BNIP5: variants seen among roughly 807,000 people sequenced by gnomAD.
BNIP5 encodes BCL2 interacting protein 5, also known as protein BNIP5.
In BNIP5, 61 loss-of-function variants were observed where a neutral mutation model predicts 67.3. That is an observed-to-expected ratio of 0.91 (90% CI 0.74 to 1.12). The LOEUF (loss-of-function observed/expected upper bound fraction) is 1.12, where lower values mean the gene tolerates loss of function less well. BNIP5 is among the 50% of genes most tolerant of loss of function. BNIP5 has a pLI of 0.00. For synonymous variants in BNIP5, 317 were observed against 319.0 expected, an observed-to-expected ratio of 0.99 and a Z score of 0.07; for missense variants, 826 against 816.3, an observed-to-expected ratio of 1.01 and a Z score of -0.14.
chr6:36,335,476 C>T (rs142632052), intron 1 of BNIP5, among the ~76,000 whole-genome samples: 63 of 152,306 alleles, frequency 4.1e-4, no homozygotes, highest in African/African-American at 1.3e-3. Flanking sequence ...GGACTCAAGA[C>T]GCCCTGTATT....
rs377308284 is a variant in BNIP5 at position 36,330,604 on chromosome 6, C to T, written c.87G>A (p.Ser29=). Residue 29 remains serine, a synonymous_variant, in exon 2 of 12, where the codon TCG becomes TCA. Transcript: ENST00000437635. The stretch of plus-strand genomic sequence containing the variant: ...AGAGCCAATGGCAGTCCCACGACTC[C>T]GAGCCTTTCCCGGGGGCCTGCGGCC... ...LDRPQAPGKG[S]ESWDCHWLSL... 1.6e-4 allele frequency: 261 copies of T among 1,611,580 alleles called. No homozygotes were observed. The highest frequency in any genetic ancestry group is 4.3e-4 in the South Asian group (39 of 91,086).
rs572473631 is a variant in BNIP5, at chr6:36,327,137, C to T, written c.728-43G>A. ...CATCCGGTTATTCTTTCTAAATGCA[C>T]TGACAACTCCTTCTAAATTACCATC... On this transcript the variant is annotated intron_variant, in intron 3 of 11. Transcript: ENST00000437635. 14 of 1,541,162 alleles carry T rather than the reference C, an allele frequency of 9.1e-6. 2 individuals are homozygous for T. Among genetic ancestry groups the T allele is most frequent in the African/African-American group, 8.1e-5 (6 of 73,806 alleles).
rs2127364813 is a variant in BNIP5 at position 36,323,392 on chromosome 6, C to T, written c.1372G>A (p.Ala458Thr). 3 of 1,614,264 alleles carry T rather than the reference C, an allele frequency of 1.9e-6. No individual in the cohort carries two copies. The highest frequency in any genetic ancestry group is 2.2e-5 in the East Asian group (1 of 44,882). The change falls in exon 8 of 12, where the codon GCA becomes ACA. Residue 458 changes from alanine (A) to threonine (T), a missense_variant. Transcript: ENST00000437635. ...HTSKEPRRAGAAGAASPEARR... is the reference protein window; with the variant it reads ...HTSKEPRRAGTAGAASPEARR... ...GCCTCTGGGCTGGCAGCCCCTGCTG[C>T]CCCCGCTCTTCTGGGTTCCTTGGAG...
intron 11 of BNIP5, 92 bp from the exon 12 acceptor site, chr6:36,317,483 C>T (rs1771546000): frequency 9.3e-7 from 1 of 1,074,474 alleles, no homozygotes. Context: ...ATCCCATTGA[C>T]ACCCCACCCC....
intron 5 of BNIP5, 30 bp downstream of exon 5, chr6:36,326,480 G>A: frequency 6.2e-7 from 1 of 1,612,818 alleles, no homozygotes; most frequent in African/African-American, 1.3e-5. Flanking sequence ...CAGCTGCAGG[G>A]TTGCTATGGC....
Position 36,330,508 on chromosome 6 carries a change from G to A in BNIP5, c.183C>T (p.Ser61=), listed in dbSNP as rs1771873367. The A allele has an allele frequency of 1.9e-6, 3 of 1,613,990 alleles. No homozygotes were observed. The highest frequency in any genetic ancestry group is 8.5e-7 in the Non-Finnish European group (1 of 1,180,028). The part of the protein sequence containing the change: ...TTSDWARHSD[S]PAPSAEAHCT... ...AGTGAGCCTCTGCAGATGGAGCTGG[G>A]CTGTCTGAATGTCTGGCCCAATCAC... Residue 61 remains serine, a synonymous_variant, in exon 2 of 12, where the codon AGC becomes AGT. Coordinates refer to ENST00000437635, the MANE Select transcript of BNIP5 (RefSeq NM_001010903.5).
chr6:36,319,279 T>G, intron 11 of BNIP5, 77 bp downstream of exon 11: 1 of 1,555,190 alleles, frequency 6.4e-7, no homozygotes. Flanking sequence ...GGAGGATAAG[T>G]AGATCCCACT....
At position 36,316,916 on chromosome 6, in the gene BNIP5, G is replaced by T. The variant is rs1771527302; in HGVS notation, c.*440C>A. Reference sequence around the variant, plus strand: ...ATGGGATACACTTCGATGCATATCTGTTTGGATGCATGTGGATGTTCTGTT... The same window carrying T: ...ATGGGATACACTTCGATGCATATCTTTTTGGATGCATGTGGATGTTCTGTT... On this transcript the variant is annotated 3_prime_UTR_variant, in exon 12 of 12. Transcript: ENST00000437635. 4.9e-6 allele frequency: 2 copies of T among 410,392 alleles called. No homozygotes were observed. The highest frequency in any genetic ancestry group is 8.6e-6 in the Non-Finnish European group (2 of 233,248). The allele number at this position is 410,392 out of a possible 1,614,324, so 25.4% of individuals were successfully genotyped here.
chr6:36,319,289 T>C (rs538369762), intron 11 of BNIP5, 67 bp downstream of exon 11: 11 of 1,581,152 alleles, frequency 7.0e-6, no homozygotes, highest in Admixed American at 1.7e-5. Flanking sequence ...TAGATCCCAC[T>C]GGAGGCCAGC....
Position 36,329,938 on chromosome 6 carries a change from GAGGGAGGA to G in BNIP5, c.610+135_610+142del, listed in dbSNP as rs1177820845. 9 of 804,360 alleles carry G rather than the reference GAGGGAGGA, an allele frequency of 1.1e-5. No individual in the cohort carries two copies. In the African/African-American group the frequency reaches 1.6e-4, roughly 14 times the overall value. 49.8% of individuals were successfully genotyped at this position (804,360 alleles called of 1,614,324 possible). A position where few individuals can be genotyped will look rare whatever the true frequency, so the allele number is the denominator to read the frequency against. On this transcript the variant is annotated intron_variant, in intron 2 of 11. Transcript: ENST00000437635. Reference sequence around the variant, plus strand: ...GAAAGAAGGAAGGGAGGGAGGAAGGGAGGGAGGAAGGAAGGAAGGAAGTCACAGCGGTG... The same window carrying G: ...GAAAGAAGGAAGGGAGGGAGGAAGGGAGGAAGGAAGGAAGTCACAGCGGTG...
At chr6:36,330,723 T>C in intron 1 of BNIP5, 29 bp from the exon 2 acceptor site, 1 of 1,519,284 alleles carries the variant, frequency 6.6e-7, no homozygotes, top group East Asian at 2.3e-5. Flanking sequence ...GCTCCCTTAG[T>C]TTTTTTGTTT....
At chr6:36,331,914 C>G (rs1254890091) in intron 1 of BNIP5, among the ~76,000 whole-genome samples, 1 of 152,146 alleles carries the variant, frequency 6.6e-6, no homozygotes, top group African/African-American at 2.4e-5. Context: ...CTGACGGCCC[C>G]CTGTGGTCTC....
At chr6:36,321,112 T>A (rs1465033470) in intron 10 of BNIP5, 43 bp downstream of exon 10, 8 of 1,144,364 alleles carry the variant, frequency 7.0e-6, no homozygotes, top group Non-Finnish European at 9.9e-6. Flanking sequence ...GGTGGGTAGA[T>A]GAGGCCCTGG....
chr6:36,317,271 C>A lies in BNIP5; in HGVS notation c.*85G>T. The A allele has an allele frequency of 2.9e-6, 3 of 1,028,676 alleles. No individual in the cohort carries two copies. In the East Asian group the frequency reaches 7.1e-5, roughly 24 times the overall value. The allele number at this position is 1,028,676 out of a possible 1,614,324, so 63.7% of individuals were successfully genotyped here. ...CACGTTTGTGAAGCAGGGATTGGGA[C>A]ATCACAGAGCATCTTCAGGGTCTCC... On this transcript the variant is annotated 3_prime_UTR_variant, in exon 12 of 12. Transcript: ENST00000437635.
chr6:36,325,483 G>T, intron 5 of BNIP5, 69 bp from the exon 6 acceptor site: 1 of 1,526,618 alleles, frequency 6.6e-7, no homozygotes, highest in Non-Finnish European at 8.8e-7. Context: ...ACAGAAGCTA[G>T]CACAAACTAA....
At chr6:36,330,925 G>A (rs991008608) in intron 1 of BNIP5, among the ~76,000 whole-genome samples, 16 of 152,010 alleles carry the variant, frequency 1.1e-4, no homozygotes, top group South Asian at 8.3e-4. Flanking sequence ...CACCACACCC[G>A]GCTAATTTTT....
chr6:36,330,035 T>A (rs1412436225), intron 2 of BNIP5, 46 bp downstream of exon 2: 2 of 1,520,770 alleles, frequency 1.3e-6, no homozygotes, highest in Non-Finnish European at 1.7e-6. Flanking sequence ...GGAGCAAGTT[T>A]AGAGCACCCT....
At chr6:36,323,164 G>A in intron 8 of BNIP5, 129 bp downstream of exon 8, 1 of 1,331,942 alleles carries the variant, frequency 7.5e-7, no homozygotes, top group South Asian at 1.4e-5. Context: ...AGCATGGAAA[G>A]ACACAGTCAG....
rs1771544914 is a variant in BNIP5 at position 36,317,411 on chromosome 6, A to G, written c.1924-20T>C. 6.2e-7 allele frequency: 1 copy of G among 1,609,624 alleles called. No homozygotes were observed. The highest frequency in any genetic ancestry group is 8.5e-7 in the Non-Finnish European group (1 of 1,175,888). Reference sequence around the variant, plus strand: ...GATGTTCTGGGAAGAGAAAAAGAACATAGGTGTTAGCCACAGCTCAATTAT... The same window carrying G: ...GATGTTCTGGGAAGAGAAAAAGAACGTAGGTGTTAGCCACAGCTCAATTAT... On this transcript the variant is annotated intron_variant, in intron 11 of 11. Transcript: ENST00000437635.
Sources: allele counts gnomAD v4.1 joint callset (sites outside exome capture counted in the v4.1 genomes callset), GRCh38; gene constraint gnomAD v4.1.1; transcripts MANE v1.5; gene names NCBI Gene and HGNC (gene_info 2026-07-23, HGNC 2026-07-21).